Variants in HERC4 observed in about 807,000 individuals in gnomAD.
HERC4 encodes probable E3 ubiquitin-protein ligase HERC4.
Under a neutral mutation model 124.3 loss-of-function variants are expected in HERC4, and 28 were observed. The observed-to-expected ratio is 0.23, with a 90% CI of 0.17 to 0.31. The LOEUF (loss-of-function observed/expected upper bound fraction) is 0.31, where lower values mean the gene tolerates loss of function less well. Among genes scored for constraint, HERC4 ranks in the 10% least tolerant of loss-of-function variants. The probability of loss-of-function intolerance (pLI) is 1.00; values close to 1 mark genes in which losing one functional copy is unlikely to be tolerated. For synonymous variants in HERC4, 407 were observed against 421.5 expected, an observed-to-expected ratio of 0.97 and a Z score of 0.42; for missense variants, 713 against 1,229.3, an observed-to-expected ratio of 0.58 and a Z score of 6.28.
chr10:67,929,509 G>C (rs894343800), intron 23 of HERC4, among the ~76,000 whole-genome samples: 3 of 151,866 alleles, frequency 2.0e-5, no homozygotes, highest in Non-Finnish European at 4.4e-5. Context: ...TCCAGTTGTT[G>C]CATGTATCAA....
intron 3 of HERC4, chr10:68,069,808 C>T: frequency 1.2e-5 from 10 of 867,334 alleles, no homozygotes; most frequent in South Asian, 5.3e-5. Flanking sequence ...TCTGGGAGGC[C>T]AAGGCGGGCA....
chr10:68,071,523 G>A (rs1178224463), intron 3 of HERC4, among the ~76,000 whole-genome samples: 2 of 152,128 alleles, frequency 1.3e-5, no homozygotes, highest in Admixed American at 1.3e-4. Context: ...AGTAGCCTCC[G>A]TACCATGAAA....
chr10:68,042,408 T>C (rs1452211190), intron 4 of HERC4, among the ~76,000 whole-genome samples: 15 of 152,222 alleles, frequency 9.9e-5, no homozygotes, highest in Admixed American at 9.8e-4. Flanking sequence ...GTGAATCCCT[T>C]GAGTCCAGGA....
intron 3 of HERC4, among the ~76,000 whole-genome samples, chr10:68,049,441 A>T (rs2040176056): frequency 6.6e-6 from 1 of 151,752 alleles, no homozygotes; most frequent in Non-Finnish European, 1.5e-5. Context: ...AGGTGGACAG[A>T]TCTTAAGGCC....
chr10:68,034,153 T>C lies in HERC4; in HGVS notation c.497A>G (p.Tyr166Cys), dbSNP rs1393824302. The C allele has an allele frequency of 6.8e-6, 11 of 1,613,570 alleles. No homozygotes were observed. The highest frequency in any genetic ancestry group is 9.3e-6 in the Non-Finnish European group (11 of 1,179,512). Residue 166 changes from tyrosine to cysteine, a missense_variant, in exon 6 of 25, where the codon TAT becomes TGT. Physicochemically the swap from Tyr to Cys is radical, Grantham distance 194. Coordinates refer to ENST00000373700, the MANE Select transcript of HERC4 (RefSeq NM_015601.4). ...SEVFCWGQNK[Y>C]GQLGLGTDCK... is the part of the protein sequence containing the mutation. ...GTCAGTACCTAAACCCAATTGGCCA[T>C]ATTTATTCTGTCCCCAACAGAAGAC...
chr10:68,060,790 G>A (rs1185963538), intron 3 of HERC4, among the ~76,000 whole-genome samples: 1 of 152,078 alleles, frequency 6.6e-6, no homozygotes, highest in Admixed American at 6.5e-5. Flanking sequence ...CTATTAGAGA[G>A]CCTAGTTATG....
In HERC4 at chr10:67,922,834, T is replaced by C. The variant is rs970720320; in HGVS notation, c.*97A>G. The C allele has an allele frequency of 2.3e-6, 2 of 853,334 alleles. No individual in the cohort carries two copies. Among genetic ancestry groups the C allele is most frequent in the Admixed American group, 2.3e-5 (1 of 42,830 alleles). The allele number at this position is 853,334 out of a possible 1,614,324, so 52.9% of individuals were successfully genotyped here. A position where few individuals can be genotyped will look rare whatever the true frequency, so the allele number is the denominator to read the frequency against. On this transcript the variant is annotated 3_prime_UTR_variant, in exon 25 of 25. Coordinates refer to ENST00000373700, the MANE Select transcript of HERC4 (RefSeq NM_015601.4). ...TTGAACATTCTGCAAGTAAGAATTA[T>C]AATAGTACCTCTGTCACCTTGCTGA...
chr10:67,936,407 T>C (rs924026609), intron 21 of HERC4, among the ~76,000 whole-genome samples, 172 bp from the exon 22 acceptor site: 1 of 152,208 alleles, frequency 6.6e-6, no homozygotes, highest in Non-Finnish European at 1.5e-5. Context: ...AACTAGAAAT[T>C]TGGTACTCTC....
intron 21 of HERC4, among the ~76,000 whole-genome samples, chr10:67,937,322 T>C (rs888864714): frequency 5.3e-5 from 8 of 152,142 alleles, no homozygotes; most frequent in Non-Finnish European, 1.2e-4. Context: ...TTGACACCCA[T>C]TCTAAAGCTA....
intron 7 of HERC4, among the ~76,000 whole-genome samples, chr10:68,029,256 C>T (rs1202153255): frequency 1.3e-5 from 2 of 152,038 alleles, no homozygotes; most frequent in African/African-American, 4.8e-5. Flanking sequence ...TTTGGGAGGC[C>T]AAGGCAGATG....
chr10:67,945,824 G>A (rs2033279940), intron 19 of HERC4, among the ~76,000 whole-genome samples: 1 of 150,564 alleles, frequency 6.6e-6, no homozygotes, highest in Non-Finnish European at 1.5e-5. Context: ...AAAAACATAC[G>A]ACAGATACAC....
chr10:67,982,042 A>C (rs2035963220), intron 15 of HERC4, among the ~76,000 whole-genome samples: 1 of 152,246 alleles, frequency 6.6e-6, no homozygotes, highest in Non-Finnish European at 1.5e-5. Flanking sequence ...TACCACCTAT[A>C]GCAATCTACA....
rs11813144 is a variant in HERC4 at position 68,062,594 on chromosome 10, A to C, written c.226+10289T>G. Among the ~76,000 whole-genome samples the C allele has an allele frequency of 3.3e-3, 492 of 150,686 alleles. 1 individual carries two copies. Among genetic ancestry groups the C allele is most frequent in the African/African-American group, 0.011 (468 of 41,362 alleles). On this transcript the variant is annotated intron_variant, in intron 3 of 24. Coordinates refer to ENST00000373700, the MANE Select transcript of HERC4 (RefSeq NM_015601.4). ...CAGTGAAACCCTGTCTCTACTAAAA[A>C]TACAAAAAAAAAAAAATTAGCCGGG... is the stretch of plus-strand genomic sequence containing the variant.
At position 67,992,243 on chromosome 10, in the gene HERC4, T is replaced by C; in HGVS notation, c.1227A>G (p.Lys409=). The C allele has an allele frequency of 6.2e-7, 1 of 1,614,110 alleles. No individual in the cohort carries two copies. Among genetic ancestry groups the C allele is most frequent in the Non-Finnish European group, 8.5e-7 (1 of 1,179,962 alleles). The change falls in exon 11 of 25, where the codon AAA becomes AAG. Residue 409 remains lysine, a synonymous_variant. Transcript: ENST00000373700. ...ACCTTCCAGAAGGATAGCTCAGCCA[T>C]TTCTGAATTAGAGCTTCATTCACTG... ...IWTVNEALIQ[K]WLSYPSGRFP... is the part of the protein sequence containing the mutation.
chr10:67,925,252 G>A, intron 23 of HERC4, 65 bp from the exon 24 acceptor site: 1 of 870,828 alleles, frequency 1.1e-6, no homozygotes. Flanking sequence ...AGCACATAAA[G>A]CTAACATGGT....
At chr10:68,018,485 T>C (rs1042627350) in intron 8 of HERC4, among the ~76,000 whole-genome samples, 55 of 152,308 alleles carry the variant, frequency 3.6e-4, no homozygotes, top group African/African-American at 1.3e-3. Context: ...AACATTATAA[T>C]GGTGTCCTAA....
At chr10:68,027,639 C>T (rs972052195) in intron 7 of HERC4, among the ~76,000 whole-genome samples, 2 of 152,066 alleles carry the variant, frequency 1.3e-5, no homozygotes, top group African/African-American at 2.4e-5. Context: ...ATAACTAAGT[C>T]GGGTGGGGCA....
chr10:67,983,203 C>G (rs1364211198), intron 15 of HERC4, among the ~76,000 whole-genome samples: 2 of 151,922 alleles, frequency 1.3e-5, no homozygotes, highest in Non-Finnish European at 2.9e-5. Context: ...GGCTTTTATT[C>G]AAAAGACAGG....
At chr10:68,039,837 T>C (rs57621406) in intron 4 of HERC4, 99 of 1,013,102 alleles carry the variant, frequency 9.8e-5, no homozygotes, top group African/African-American at 6.2e-4. Flanking sequence ...GTTCAGCATA[T>C]TAAGTATTTT....
Sources: gnomAD v4.1 joint callset for allele counts (sites outside exome capture counted in the v4.1 genomes callset) on GRCh38, gnomAD v4.1.1 for gene constraint, MANE v1.5 for transcripts, NCBI Gene and HGNC (gene_info 2026-07-23, HGNC 2026-07-21) for gene names.